The following FRYL variants were observed in gnomAD, a reference collection of about 807,000 sequenced individuals.
The protein encoded by FRYL is FRY like transcription coactivator.
A neutral mutation model predicts 351.2 loss-of-function variants in FRYL; 150 were observed. The observed-to-expected ratio is 0.43, with a 90% confidence interval of 0.37 to 0.49. The LOEUF (loss-of-function observed/expected upper bound fraction) is 0.49. FRYL is among the 20% of genes least tolerant of loss of function. The probability of loss-of-function intolerance (pLI) is 0.00; values close to 1 mark genes in which losing one functional copy is unlikely to be tolerated. For synonymous variants in FRYL, 1,153 were observed against 1,257.1 expected (o/e 0.92, Z 1.75); for missense variants, 3,036 against 3,619.3 (o/e 0.84, Z 4.13).
At chr4:48,511,444 G>A (rs1410916914) in intron 57 of FRYL, among the ~76,000 whole-genome samples, 1 of 152,174 alleles carries the variant, frequency 6.6e-6, no homozygotes, top group Non-Finnish European at 1.5e-5. Flanking sequence ...TATCTTCTCA[G>A]AGTCCAGGAA....
At position 48,548,806 on chromosome 4, in the gene FRYL, A is replaced by C. The variant is rs767217526; in HGVS notation, c.4785-13T>G. Reference sequence around the variant, plus strand: ...TGCTATGTTACACCTATGACAAATAAGAGTTTCATTAACGTTTTACTAGAT... The same window carrying C: ...TGCTATGTTACACCTATGACAAATACGAGTTTCATTAACGTTTTACTAGAT... On this transcript the variant is annotated splice_polypyrimidine_tract_variant and intron_variant, in intron 39 of 63. Transcript: ENST00000358350. 3.4e-6 allele frequency: 5 copies of C among 1,479,094 alleles called. No individual in the cohort carries two copies. Among genetic ancestry groups the C allele is most frequent in the Non-Finnish European group, 2.8e-6 (3 of 1,071,850 alleles). The allele number at this position is 1,479,094 out of a possible 1,614,324, so 91.6% of individuals were successfully genotyped here. A position where few individuals can be genotyped will look rare whatever the true frequency, so the allele number is the denominator to read the frequency against.
intron 4 of FRYL, among the ~76,000 whole-genome samples, chr4:48,624,254 C>T (rs541408487): frequency 8.5e-5 from 13 of 152,058 alleles, no homozygotes; most frequent in African/African-American, 2.9e-4. Context: ...TTTAACTTTC[C>T]ATCTGCTGAT....
At chr4:48,779,260 G>C (rs182052508) in intron 1 of FRYL, among the ~76,000 whole-genome samples, 1 of 152,226 alleles carries the variant, frequency 6.6e-6, no homozygotes, top group Admixed American at 6.5e-5. Context: ...GAAGAGCTCA[G>C]CGCCCAGGCA....
chr4:48,767,269 T>C (rs1005980346), intron 1 of FRYL, among the ~76,000 whole-genome samples: 1 of 152,016 alleles, frequency 6.6e-6, no homozygotes, highest in Non-Finnish European at 1.5e-5. Context: ...AAGGGGGATG[T>C]GCTACACACT....
chr4:48,773,030 AAT>A (rs1189519935), intron 1 of FRYL, among the ~76,000 whole-genome samples: 1 of 152,218 alleles, frequency 6.6e-6, no homozygotes, highest in African/African-American at 2.4e-5. Flanking sequence ...TTTGATCAAA[AAT>A]AGTCACTCAA....
In FRYL at chr4:48,691,078, G is replaced by C. The variant is rs572534777; in HGVS notation, c.-203-6283C>G. Among the ~76,000 whole-genome samples, 25 of 152,268 alleles carry C rather than the reference G, an allele frequency of 1.6e-4. No homozygotes were observed. In the South Asian group the frequency reaches 1.9e-3, roughly 11 times the overall value. ...AGCACAAATTCCCACAGATGATTTA[G>C]ATGACCCATTTCTCCCAAATTTATA... On this transcript the variant is annotated intron_variant, in intron 2 of 63. Coordinates refer to ENST00000358350, the MANE Select transcript of FRYL (RefSeq NM_015030.2).
At chr4:48,517,087 G>C (rs1351245035) in intron 55 of FRYL, among the ~76,000 whole-genome samples, 1 of 152,086 alleles carries the variant, frequency 6.6e-6, no homozygotes, top group Non-Finnish European at 1.5e-5. Context: ...ATATAATATA[G>C]TAGGATTATT....
At position 48,527,687 on chromosome 4, in the gene FRYL, T is replaced by C. The variant is rs773967741; in HGVS notation, c.7141-34A>G. The C allele has an allele frequency of 5.1e-6, 8 of 1,572,390 alleles. No individual in the cohort carries two copies. The South Asian group carries it at 8.3e-5, about 16-fold the overall frequency. ...CGATTAAAAAAAAAAAAAAAGTCCATCCATCAGATTTGTCACTCTGCGTAT... is the reference window on the plus strand; with the variant it reads ...CGATTAAAAAAAAAAAAAAAGTCCACCCATCAGATTTGTCACTCTGCGTAT... On this transcript the variant is annotated intron_variant, in intron 52 of 63. Coordinates refer to ENST00000358350, the MANE Select transcript of FRYL (RefSeq NM_015030.2).
At chr4:48,693,037 C>T (rs1429825023) in intron 2 of FRYL, among the ~76,000 whole-genome samples, 3 of 152,186 alleles carry the variant, frequency 2.0e-5, no homozygotes, top group African/African-American at 7.2e-5. Context: ...TACTCCCCTA[C>T]TGACCTATGT....
chr4:48,746,358 A>G (rs1772677269), intron 1 of FRYL, among the ~76,000 whole-genome samples: 1 of 151,974 alleles, frequency 6.6e-6, no homozygotes, highest in African/African-American at 2.4e-5. Context: ...CGAGGTCAGG[A>G]GATCGAGACC....
chr4:48,623,015 C>G (rs751095718), intron 5 of FRYL, 111 bp downstream of exon 5: 22 of 663,786 alleles, frequency 3.3e-5, no homozygotes, highest in Non-Finnish European at 5.2e-5. Context: ...ATTAAGCATA[C>G]AAGGATATAT....
At chr4:48,758,332 G>GTC (rs113712718) in intron 1 of FRYL, among the ~76,000 whole-genome samples, 3 of 152,176 alleles carry the variant, frequency 2.0e-5, no homozygotes, top group South Asian at 2.1e-4. Flanking sequence ...ATCTATCCAT[G>GTC]TGACAAAGGG....
intron 1 of FRYL, among the ~76,000 whole-genome samples, chr4:48,744,746 G>C (rs1578901733): frequency 6.6e-6 from 1 of 152,016 alleles, no homozygotes; most frequent in African/African-American, 2.4e-5. Flanking sequence ...CAAATCACAG[G>C]AATCATTTCA....
intron 3 of FRYL, among the ~76,000 whole-genome samples, chr4:48,666,133 G>A (rs137887429): frequency 3.9e-5 from 6 of 152,264 alleles, no homozygotes; most frequent in African/African-American, 9.6e-5. Flanking sequence ...AGGCCAAGGC[G>A]GGCAGATCAC....
intron 1 of FRYL, among the ~76,000 whole-genome samples, chr4:48,775,302 C>T (rs1451503499): frequency 6.6e-6 from 1 of 152,224 alleles, no homozygotes; most frequent in Non-Finnish European, 1.5e-5. Context: ...TTCCACTCTG[C>T]ACTGGTCTAT....
At chr4:48,713,427 T>C (rs944146108) in intron 1 of FRYL, among the ~76,000 whole-genome samples, 2 of 151,898 alleles carry the variant, frequency 1.3e-5, no homozygotes, top group Admixed American at 6.6e-5. Context: ...TGGAGGAAGA[T>C]CTACCAAGCA....
At chr4:48,591,879 A>T (rs1743320463) in intron 16 of FRYL, among the ~76,000 whole-genome samples, 1 of 151,760 alleles carries the variant, frequency 6.6e-6, no homozygotes, top group South Asian at 2.1e-4. Flanking sequence ...AGACATGTTC[A>T]AACCAAATGC....
chr4:48,683,910 A>T (rs536725824), intron 3 of FRYL, among the ~76,000 whole-genome samples: 4 of 151,890 alleles, frequency 2.6e-5, no homozygotes, highest in African/African-American at 9.7e-5. Flanking sequence ...TGTTATTTCC[A>T]TTTTGTCTGT....
intron 3 of FRYL, among the ~76,000 whole-genome samples, chr4:48,639,301 A>G (rs1754873717): frequency 6.6e-6 from 1 of 152,124 alleles, no homozygotes; most frequent in Non-Finnish European, 1.5e-5. Context: ...ACTTCAAAAA[A>G]GTAATCAAGA....
Sources: gnomAD v4.1 joint callset for allele counts (sites outside exome capture counted in the v4.1 genomes callset) on GRCh38, gnomAD v4.1.1 for gene constraint, MANE v1.5 for transcripts, NCBI Gene and HGNC (gene_info 2026-07-23, HGNC 2026-07-21) for gene names.